Variants in CPNE4 observed in about 807,000 individuals in gnomAD.
CPNE4 encodes copine-4.
CPNE4 carries 25 observed loss-of-function variants against 67.9 expected under a neutral mutation model. The ratio of observed to expected loss-of-function variants is 0.37; its 90% confidence interval spans 0.27 to 0.51. CPNE4 has a LOEUF of 0.51. Ranked by LOEUF, CPNE4 falls within the 20% of genes least tolerant of loss-of-function variation. CPNE4 has a pLI of 0.93. For missense variants in CPNE4, 464 were observed against 690.8 expected (o/e 0.67, Z 3.68); for synonymous variants, 242 against 244.9 (o/e 0.99, Z 0.11).
At chr3:131,649,373 C>T (rs1255715231) in intron 7 of CPNE4, among the ~76,000 whole-genome samples, 1 of 152,130 alleles carries the variant, frequency 6.6e-6, no homozygotes, top group African/African-American at 2.4e-5. Context: ...TAGAAGAATT[C>T]AGGACAGTAA....
chr3:131,752,765 T>C (rs1021913421), intron 2 of CPNE4, among the ~76,000 whole-genome samples: 2 of 152,180 alleles, frequency 1.3e-5, no homozygotes, highest in African/African-American at 4.8e-5. Context: ...GGATGAGATC[T>C]ATGCAAATCA....
At chr3:131,559,435 A>G (rs532013347) in intron 11 of CPNE4, among the ~76,000 whole-genome samples, 1 of 152,062 alleles carries the variant, frequency 6.6e-6, no homozygotes, top group South Asian at 2.1e-4. Flanking sequence ...AAAACACCCC[A>G]TTATCTGTTT....
At chr3:131,986,150 G>A (rs936334463) in intron 1 of CPNE4, among the ~76,000 whole-genome samples, 8 of 148,692 alleles carry the variant, frequency 5.4e-5, no homozygotes, top group Non-Finnish European at 1.0e-4. Context: ...GCTTTAACCA[G>A]ATTAAGCCCT....
At chr3:131,820,038 G>T (rs979297789) in intron 2 of CPNE4, among the ~76,000 whole-genome samples, 3 of 152,142 alleles carry the variant, frequency 2.0e-5, no homozygotes, top group African/African-American at 7.2e-5. Context: ...AGTTGCTTAC[G>T]TCCCTGAATC....
chr3:131,719,738 G>C (rs1228439548), intron 3 of CPNE4, among the ~76,000 whole-genome samples: 1 of 152,136 alleles, frequency 6.6e-6, no homozygotes, highest in Admixed American at 6.5e-5. Flanking sequence ...CACATCTTTT[G>C]GGTCTGACCT....
chr3:131,853,410 C>A (rs769206947), intron 2 of CPNE4, among the ~76,000 whole-genome samples: 23 of 151,512 alleles, frequency 1.5e-4, no homozygotes, highest in African/African-American at 4.8e-4. Flanking sequence ...ATCCTATAAA[C>A]AAAATTAATT....
intron 1 of CPNE4, among the ~76,000 whole-genome samples, chr3:132,002,230 G>A (rs775348503): frequency 9.2e-5 from 14 of 152,156 alleles, no homozygotes; most frequent in African/African-American, 2.9e-4. Flanking sequence ...TAATCTCAAA[G>A]GTCAAAGACC....
chr3:131,786,080 C>A (rs1482877544), intron 2 of CPNE4, among the ~76,000 whole-genome samples: 1 of 152,022 alleles, frequency 6.6e-6, no homozygotes, highest in Non-Finnish European at 1.5e-5. Flanking sequence ...TGAAGGTAGG[C>A]ATTGGTTAAA....
intron 1 of CPNE4, among the ~76,000 whole-genome samples, chr3:131,915,916 T>C (rs1560594882): frequency 6.6e-5 from 10 of 152,226 alleles, no homozygotes. Context: ...ATCACATTTA[T>C]ATTAACTTTA....
intron 7 of CPNE4, among the ~76,000 whole-genome samples, chr3:131,658,914 TA>T (rs1288003427): frequency 1.3e-5 from 2 of 152,204 alleles, no homozygotes; most frequent in Non-Finnish European, 2.9e-5. Context: ...GTTTAATGTT[TA>T]AAATGTGGGA....
intron 7 of CPNE4, among the ~76,000 whole-genome samples, chr3:131,608,599 T>G (rs1939643327): frequency 1.3e-5 from 2 of 152,078 alleles, no homozygotes. Flanking sequence ...AAGACAACTT[T>G]CATTGAAATC....
intron 2 of CPNE4, among the ~76,000 whole-genome samples, chr3:131,863,378 C>T (rs1412825712): frequency 7.2e-5 from 11 of 152,104 alleles, no homozygotes; most frequent in Non-Finnish European, 1.6e-4. Context: ...CTGTTGTTTC[C>T]TGACTTTTTA....
intron 2 of CPNE4, among the ~76,000 whole-genome samples, chr3:131,758,140 C>T (rs2082798459): frequency 6.6e-6 from 1 of 152,168 alleles, no homozygotes; most frequent in South Asian, 2.1e-4. Context: ...GGACCACTGT[C>T]CTCCGGACCC....
chr3:131,607,507 C>T (rs1279938548), intron 7 of CPNE4, among the ~76,000 whole-genome samples: 1 of 152,116 alleles, frequency 6.6e-6, no homozygotes, highest in Non-Finnish European at 1.5e-5. Context: ...TTATTAGAAC[C>T]TAATTAGAAA....
intron 2 of CPNE4, among the ~76,000 whole-genome samples, chr3:131,767,329 C>T (rs376279085): frequency 3.3e-5 from 5 of 151,632 alleles, no homozygotes; most frequent in Admixed American, 2.0e-4. Flanking sequence ...CTTGGTTTGC[C>T]CTCTATCTAG....
intron 7 of CPNE4, among the ~76,000 whole-genome samples, chr3:131,618,708 C>T (rs111904078): frequency 0.054 from 8,229 of 152,226 alleles, 285 homozygotes; most frequent in Non-Finnish European, 0.086. Flanking sequence ...TTAGAGAAGG[C>T]ATTTCACAAT....
At chr3:132,009,862 C>A (rs964719483) in intron 1 of CPNE4, among the ~76,000 whole-genome samples, 5 of 152,150 alleles carry the variant, frequency 3.3e-5, no homozygotes, top group African/African-American at 1.2e-4. Context: ...CTATTAGGAC[C>A]AAGTAAGTAA....
At chr3:131,787,430 T>G (rs868392123) in intron 2 of CPNE4, among the ~76,000 whole-genome samples, 5 of 152,190 alleles carry the variant, frequency 3.3e-5, no homozygotes, top group Admixed American at 6.5e-5. Flanking sequence ...TCAGAATTGC[T>G]CTGTGTTAGC....
At position 131,535,059 on chromosome 3, in the gene CPNE4, T is replaced by TA; in HGVS notation, c.*135dup. The TA allele has an allele frequency of 1.0e-6, 1 of 955,736 alleles. No homozygotes were observed. Among genetic ancestry groups the TA allele is most frequent in the Non-Finnish European group, 1.5e-6 (1 of 681,184 alleles). The allele number at this position is 955,736 out of a possible 1,614,324, so 59.2% of individuals were successfully genotyped here. ...CATGCAAAAAAAATTGTCAGATAGT[T>TA]AAAAATCACCAAAACGTGCTATTTT... On this transcript the variant is annotated 3_prime_UTR_variant, in exon 16 of 16. Coordinates refer to ENST00000429747, the MANE Select transcript of CPNE4 (RefSeq NM_130808.3).
Sources: gnomAD v4.1 joint callset for allele counts (sites outside exome capture counted in the v4.1 genomes callset) on GRCh38, gnomAD v4.1.1 for gene constraint, MANE v1.5 for transcripts, NCBI Gene and HGNC (gene_info 2026-07-23, HGNC 2026-07-21) for gene names.